Variants in SLC60A1 observed in about 807,000 individuals in gnomAD.
The protein encoded by SLC60A1 is major facilitator superfamily domain containing 4.
chr1:205,593,340 A>G, the SLC60A1 span, among the ~76,000 whole-genome samples: 1 of 144,634 alleles, frequency 6.9e-6, no homozygotes, highest in Admixed American at 7.1e-5. Context: ...GCGTGGTGGC[A>G]GGCACCTGTA....
the SLC60A1 span, chr1:205,599,267 G>C: frequency 6.2e-7 from 1 of 1,613,360 alleles, no homozygotes; most frequent in Non-Finnish European, 8.5e-7. Context: ...GAAAGTATCT[G>C]TTTCTACACA....
chr1:205,570,398 G>A, the SLC60A1 span, among the ~76,000 whole-genome samples: 2 of 150,922 alleles, frequency 1.3e-5, no homozygotes, highest in South Asian at 4.3e-4. Flanking sequence ...ACCGCAGTTG[G>A]GCTATCCCAG....
the SLC60A1 span, chr1:205,597,920 A>T: frequency 5.4e-6 from 8 of 1,474,986 alleles, no homozygotes; most frequent in African/African-American, 9.7e-5. Context: ...GAAGATGCAG[A>T]TAGCCACCTT....
At chr1:205,602,791 T>A in the SLC60A1 span, 1 of 152,218 alleles carries the variant, frequency 6.6e-6, no homozygotes, top group African/African-American at 2.4e-5. Context: ...AAAATATCCT[T>A]TTTATACAGA....
the SLC60A1 span, among the ~76,000 whole-genome samples, chr1:205,589,476 G>A: frequency 1.4e-3 from 207 of 152,250 alleles, no homozygotes; most frequent in African/African-American, 4.2e-3. Flanking sequence ...GCAGGTCTGC[G>A]TTGCATTTTC....
chr1:205,579,390 A>G, the SLC60A1 span: 1 of 462,478 alleles, frequency 2.2e-6, no homozygotes, highest in Admixed American at 3.5e-5. Flanking sequence ...CCTATGACAC[A>G]TGCCTCTTGA....
chr1:205,586,232 C>A, the SLC60A1 span: 1 of 1,611,768 alleles, frequency 6.2e-7, no homozygotes, highest in Non-Finnish European at 8.5e-7. Flanking sequence ...AGCCTCCTCT[C>A]TCTTCTGAGA....
the SLC60A1 span, among the ~76,000 whole-genome samples, chr1:205,578,758 A>G: frequency 1.6e-4 from 25 of 151,736 alleles, no homozygotes; most frequent in Admixed American, 1.6e-3. Context: ...CCACCTTTCC[A>G]GGTCCAGCAG....
At chr1:205,593,331 C>T in the SLC60A1 span, among the ~76,000 whole-genome samples, 1 of 148,522 alleles carries the variant, frequency 6.7e-6, no homozygotes, top group Admixed American at 6.8e-5. Context: ...ATTAGCCAGG[C>T]GTGGTGGCAG....
chr1:205,579,909 T>G, the SLC60A1 span: 2 of 1,614,116 alleles, frequency 1.2e-6, no homozygotes, highest in Non-Finnish European at 1.7e-6. Context: ...AACATGCAGC[T>G]GGTAAGGATG....
At chr1:205,598,200 G>T in the SLC60A1 span, 1 of 229,430 alleles carries the variant, frequency 4.4e-6, no homozygotes, top group African/African-American at 2.3e-5. Context: ...CATCCCTTCG[G>T]AACCCACCAC....
chr1:205,569,382 ACCCGGCCTCTCC>A, the SLC60A1 span: 2 of 971,560 alleles, frequency 2.1e-6, no homozygotes, highest in East Asian at 4.0e-5. Context: ...CCGCCCCGCG[ACCCGGCCTCTCC>A]CCCGGCCCCG....
chr1:205,600,495 C>G, the SLC60A1 span: 32 of 1,603,688 alleles, frequency 2.0e-5, no homozygotes, highest in Non-Finnish European at 2.7e-5. Flanking sequence ...AGACTTTCAG[C>G]CTCTTGATCA....
At chr1:205,593,883 A>T in the SLC60A1 span, among the ~76,000 whole-genome samples, 1 of 152,182 alleles carries the variant, frequency 6.6e-6, no homozygotes, top group African/African-American at 2.4e-5. Flanking sequence ...TTCCTGTGAG[A>T]GAATGAATTA....
At chr1:205,601,105 C>G in the SLC60A1 span, 3 of 152,180 alleles carry the variant, frequency 2.0e-5, no homozygotes, top group African/African-American at 7.2e-5. Flanking sequence ...ATTTTGACAG[C>G]TGGTTATTAA....
chr1:205,600,685 A>ACTGTTGGT, the SLC60A1 span: 6 of 537,516 alleles, frequency 1.1e-5, 1 homozygote, highest in South Asian at 1.4e-4. Flanking sequence ...CCTGGTTCAG[A>ACTGTTGGT]CTGTTGGTAA....
the SLC60A1 span, chr1:205,595,143 A>C: frequency 0.071 from 10,844 of 152,194 alleles, 1,225 homozygotes; most frequent in African/African-American, 0.24. Context: ...GTGTTCCCCC[A>C]AAAAAACCAG....
At chr1:205,584,112 A>G in the SLC60A1 span, 3 of 1,613,576 alleles carry the variant, frequency 1.9e-6, no homozygotes, top group Non-Finnish European at 2.5e-6. Flanking sequence ...CCAAAGTTTC[A>G]GTCACACCTA....
the SLC60A1 span, among the ~76,000 whole-genome samples, chr1:205,582,257 C>T: frequency 5.9e-5 from 9 of 152,236 alleles, no homozygotes; most frequent in South Asian, 1.7e-3. Context: ...GGCTTAAGCC[C>T]GAGGTTTGTT....
Sources: gnomAD v4.1 joint callset for allele counts (sites outside exome capture counted in the v4.1 genomes callset) on GRCh38, gnomAD v4.1.1 for gene constraint, MANE v1.5 for transcripts, NCBI Gene and HGNC (gene_info 2026-07-23, HGNC 2026-07-21) for gene names.